Variants in AFF1 observed in about 807,000 individuals in gnomAD.
AFF1 encodes AF4/FMR2 family member 1.
A neutral mutation model predicts 121.7 loss-of-function variants in AFF1; 48 were observed. The ratio of observed to expected loss-of-function variants is 0.39; its 90% confidence interval spans 0.31 to 0.50. The LOEUF (loss-of-function observed/expected upper bound fraction) is 0.50, where lower values mean the gene tolerates loss of function less well. Among genes scored for constraint, AFF1 ranks in the 20% least tolerant of loss-of-function variants. The pLI, the probability that AFF1 is intolerant of heterozygous loss-of-function variation, is 0.76. For synonymous variants in AFF1, 613 were observed against 563.0 expected, an observed-to-expected ratio of 1.09 and a Z score of -1.26; for missense variants, 1,523 against 1,511.7, an observed-to-expected ratio of 1.01 and a Z score of -0.12.
intron 4 of AFF1, among the ~76,000 whole-genome samples, chr4:87,076,039 AAGATT>A (rs1398594919): frequency 6.6e-6 from 1 of 152,144 alleles, no homozygotes; most frequent in African/African-American, 2.4e-5. Flanking sequence ...CTGGAGGAGA[AAGATT>A]AGAACACTAA....
In AFF1 at chr4:87,047,255, C is replaced by T. The variant is rs1730799213; in HGVS notation, c.720C>T (p.Ser240=). ...AAGGAAGCAGCAAGGTTCATGGCAG[C>T]AGCAATAACAGTAAAGGCTATTGCC... The part of the protein sequence containing the change: ...RTQGSSKVHG[S]SNNSKGYCPA... Residue 240 remains serine (S), a synonymous_variant, in exon 4 of 21, where the codon AGC becomes AGT. Coordinates refer to ENST00000395146, the MANE Select transcript of AFF1 (RefSeq NM_001166693.3). 1 of 1,614,040 alleles carries T rather than the reference C, an allele frequency of 6.2e-7. No individual in the cohort carries two copies.
intron 2 of AFF1, among the ~76,000 whole-genome samples, chr4:87,000,914 GAACC>G (rs763177569): frequency 6.6e-6 from 1 of 152,072 alleles, no homozygotes; most frequent in Non-Finnish European, 1.5e-5. Flanking sequence ...CTTTATTCTT[GAACC>G]AAACAGTTGA....
intron 11 of AFF1, among the ~76,000 whole-genome samples, chr4:87,113,452 G>A (rs1043322007): frequency 2.6e-5 from 4 of 151,990 alleles, no homozygotes; most frequent in African/African-American, 7.3e-5. Context: ...TTAGTTTTTT[G>A]TAGCAATGAG....
intron 2 of AFF1, among the ~76,000 whole-genome samples, chr4:87,041,741 G>A (rs770055893): frequency 2.6e-5 from 4 of 151,868 alleles, no homozygotes; most frequent in South Asian, 2.1e-4. Context: ...ACAGCTGGGC[G>A]TGGTGGCTCA....
intron 2 of AFF1, among the ~76,000 whole-genome samples, chr4:86,983,002 A>C (rs183136409): frequency 8.9e-4 from 136 of 152,242 alleles, no homozygotes; most frequent in Non-Finnish European, 1.6e-3. Flanking sequence ...CCAGCTCCAG[A>C]ACTGTGAGAA....
At chr4:86,953,347 T>C (rs1721509905) in intron 2 of AFF1, among the ~76,000 whole-genome samples, 2 of 152,218 alleles carry the variant, frequency 1.3e-5, no homozygotes, top group Admixed American at 6.5e-5. Flanking sequence ...ATTAAATTCA[T>C]GTGGAACTGG....
chr4:87,046,659 G>T, intron 3 of AFF1, 36 bp from the exon 4 acceptor site: 1 of 1,567,650 alleles, frequency 6.4e-7, no homozygotes, highest in Non-Finnish European at 8.6e-7. Flanking sequence ...GTTTTCCTTA[G>T]TTTTTTTTCA....
At chr4:87,002,578 C>T (rs541528314) in intron 2 of AFF1, among the ~76,000 whole-genome samples, 1 of 151,790 alleles carries the variant, frequency 6.6e-6, no homozygotes, top group South Asian at 2.1e-4. Context: ...ACTACAGGCA[C>T]ATGCCAGCAT....
Position 87,114,599 on chromosome 4 carries a change from A to G in AFF1, c.1766A>G (p.Lys589Arg). ...CCACCCGAAGCCCCCCACCCCGGAA[A>G]GAGGAGCTGTCAGAAGTCTCCGGCA... ...RAPPEAPHPG[K>R]RSCQKSPAQQ... Residue 589 changes from lysine (K) to arginine (R), a missense_variant, in exon 12 of 21, where the codon AAG (lysine) becomes AGG (arginine). Transcript: ENST00000395146. 3 of 1,525,440 alleles carry G rather than the reference A, an allele frequency of 2.0e-6. No individual in the cohort carries two copies. The highest frequency in any genetic ancestry group is 1.1e-5 in the South Asian group (1 of 89,816). The allele number at this position is 1,525,440 out of a possible 1,614,324, so 94.5% of individuals were successfully genotyped here. A position where few individuals can be genotyped will look rare whatever the true frequency, so the allele number is the denominator to read the frequency against.
At chr4:87,007,724 C>T (rs1578046798) in intron 2 of AFF1, among the ~76,000 whole-genome samples, 1 of 152,266 alleles carries the variant, frequency 6.6e-6, no homozygotes, top group East Asian at 1.9e-4. Context: ...TTCACTTGTC[C>T]GCCCTTGCCC....
intron 2 of AFF1, among the ~76,000 whole-genome samples, chr4:86,963,728 C>T (rs1413907184): frequency 6.6e-6 from 1 of 151,986 alleles, no homozygotes; most frequent in Admixed American, 6.6e-5. Context: ...CTCCCTTTCC[C>T]AGCTCCTCAG....
At chr4:87,027,389 C>T (rs1315593353) in intron 2 of AFF1, among the ~76,000 whole-genome samples, 1 of 152,230 alleles carries the variant, frequency 6.6e-6, no homozygotes, top group Non-Finnish European at 1.5e-5. Flanking sequence ...CTGATGAAAT[C>T]ATGTGTCTCA....
At chr4:87,081,140 C>G (rs1448057472) in intron 4 of AFF1, among the ~76,000 whole-genome samples, 1 of 134,346 alleles carries the variant, frequency 7.4e-6, no homozygotes, top group Non-Finnish European at 1.6e-5. Flanking sequence ...TAGTTTTTCT[C>G]TAATGAAATG....
At chr4:87,047,783 A>G (rs933566605) in intron 4 of AFF1, 189 bp downstream of exon 4, 2 of 798,288 alleles carry the variant, frequency 2.5e-6, no homozygotes, top group African/African-American at 1.7e-5. Context: ...CTGATTATAG[A>G]TATTGAAATG....
At chr4:87,082,810 G>A (rs1723305867) in intron 4 of AFF1, among the ~76,000 whole-genome samples, 1 of 152,158 alleles carries the variant, frequency 6.6e-6, no homozygotes, top group South Asian at 2.1e-4. Flanking sequence ...TTCATCCATG[G>A]AGTGAATTGG....
intron 2 of AFF1, among the ~76,000 whole-genome samples, chr4:86,951,137 C>T (rs987837089): frequency 2.0e-5 from 3 of 152,148 alleles, no homozygotes; most frequent in South Asian, 2.1e-4. Flanking sequence ...TTTAGCAACC[C>T]TGGGCTTGCA....
chr4:86,997,827 G>A (rs1258207343), intron 2 of AFF1, among the ~76,000 whole-genome samples: 5 of 150,444 alleles, frequency 3.3e-5, no homozygotes, highest in Non-Finnish European at 5.9e-5. Context: ...AGCTGAGTGA[G>A]GCTGGGCATG....
chr4:86,936,967 G>T (rs1262054090), intron 1 of AFF1, among the ~76,000 whole-genome samples: 1 of 152,170 alleles, frequency 6.6e-6, no homozygotes, highest in Non-Finnish European at 1.5e-5. Flanking sequence ...GAAATAATTT[G>T]GGATAGATTT....
chr4:87,134,366 A>G (rs1729117090), intron 19 of AFF1, 105 bp from the exon 20 acceptor site: 22 of 1,073,530 alleles, frequency 2.0e-5, no homozygotes, highest in Non-Finnish European at 2.8e-5. Context: ...GCAGGTGTAT[A>G]GTGAAACTTT....
Sources: gnomAD v4.1 joint callset for allele counts (sites outside exome capture counted in the v4.1 genomes callset) on GRCh38, gnomAD v4.1.1 for gene constraint, MANE v1.5 for transcripts, NCBI Gene and HGNC (gene_info 2026-07-23, HGNC 2026-07-21) for gene names.